Variants in CELF2 observed in about 807,000 individuals in gnomAD.
CELF2 encodes the protein CUGBP Elav-like family member 2, also known as CUG triplet repeat RNA-binding protein 2.
CELF2 carries 8 observed loss-of-function variants against 62.6 expected under a neutral mutation model. The observed-to-expected ratio is 0.13, with a 90% CI of 0.07 to 0.23. CELF2 has a LOEUF of 0.23. Among genes scored for constraint, CELF2 ranks in the 10% least tolerant of loss-of-function variants. The pLI is 1.00. For missense variants in CELF2, 333 were observed against 671.0 expected (o/e 0.50, Z 5.56); for synonymous variants, 258 against 250.0 (o/e 1.03, Z -0.30).
rs75795049 is a variant in CELF2, at chr10:11,276,337, G to T, written c.841+1217G>T. Among the ~76,000 whole-genome samples the T allele has an allele frequency of 2.9e-3, 437 of 152,248 alleles. 2 individuals carry two copies. Among genetic ancestry groups the T allele is most frequent in the African/African-American group, 0.01 (418 of 41,544 alleles). On this transcript the variant is annotated intron_variant, in intron 8 of 12. Transcript: ENST00000633077. ...GTTGGGCTTTAAATCCATTGGCACT[G>T]CCACCTGGTTCCGTTGTAACATAGC...
chr10:11,193,030 A>G (rs538701065), intron 2 of CELF2, among the ~76,000 whole-genome samples: 15 of 152,304 alleles, frequency 9.8e-5, no homozygotes, highest in African/African-American at 3.6e-4. Context: ...GATCTTCATG[A>G]CTTTTTTTCT....
chr10:10,933,933 A>G (rs967240569), intron 2 of CELF2, among the ~76,000 whole-genome samples: 1 of 152,108 alleles, frequency 6.6e-6, no homozygotes, highest in Non-Finnish European at 1.5e-5. Context: ...TGACGTATTG[A>G]TTTCAATTCC....
At chr10:11,042,197 A>T (rs1365320586) in intron 1 of CELF2, among the ~76,000 whole-genome samples, 1 of 152,200 alleles carries the variant, frequency 6.6e-6, no homozygotes, top group Non-Finnish European at 1.5e-5. Context: ...CTTCCCTTTC[A>T]AATTTGTTAT....
intron 1 of CELF2, among the ~76,000 whole-genome samples, chr10:11,151,671 A>G (rs7087534): frequency 0.021 from 3,123 of 152,220 alleles, 105 homozygotes; most frequent in African/African-American, 0.071. Flanking sequence ...GCCTTGAACT[A>G]AAAGGAGGAA....
At chr10:10,645,514 C>T in the CELF2 span, among the ~76,000 whole-genome samples, 3 of 152,008 alleles carry the variant, frequency 2.0e-5, no homozygotes, top group African/African-American at 7.2e-5. Context: ...ATTAGGCAGG[C>T]ATGGTAGCAC....
the CELF2 span, among the ~76,000 whole-genome samples, chr10:10,654,921 G>A: frequency 2.0e-5 from 3 of 147,216 alleles, 1 homozygote; most frequent in Admixed American, 2.0e-4. Flanking sequence ...AAAAGAGGAA[G>A]TCAAATTGTC....
rs76893279 is a variant in CELF2, at chr10:11,189,491, G to T, written c.271+23809G>T. Among the ~76,000 whole-genome samples the T allele has an allele frequency of 5.0e-3, 756 of 152,134 alleles. 7 individuals are homozygous for T. Among genetic ancestry groups the T allele is most frequent in the Middle Eastern group, 0.014 (4 of 294 alleles). On this transcript the variant is annotated intron_variant, in intron 2 of 12. Transcript: ENST00000633077. The stretch of plus-strand genomic sequence containing the variant: ...GTTTAGGTCTCTAATCTCACTGAGG[G>T]TTTTTTTCCCCTCACCTGTTCTTCC...
chr10:10,831,725 A>C (rs542658544), intron 1 of CELF2, among the ~76,000 whole-genome samples: 93 of 152,344 alleles, frequency 6.1e-4, no homozygotes, highest in Middle Eastern at 3.4e-3. Flanking sequence ...TAAACCCAGC[A>C]CTTTGGGAGG....
intron 1 of CELF2, among the ~76,000 whole-genome samples, chr10:11,084,347 G>GT (rs1428267792): frequency 1.3e-5 from 2 of 152,242 alleles, no homozygotes; most frequent in Non-Finnish European, 2.9e-5. Flanking sequence ...ACAAATGTGG[G>GT]TTAGAGGTAG....
intron 1 of CELF2, among the ~76,000 whole-genome samples, chr10:11,127,450 A>G (rs1204276373): frequency 1.3e-5 from 2 of 152,290 alleles, no homozygotes; most frequent in Admixed American, 1.3e-4. Context: ...CTAGTTCTAG[A>G]TCCTTGAGGA....
chr10:11,025,401 G>T (rs2059027796), intron 1 of CELF2, among the ~76,000 whole-genome samples: 1 of 152,056 alleles, frequency 6.6e-6, no homozygotes, highest in African/African-American at 2.4e-5. Context: ...AGTTTCTCGT[G>T]TGCTGTCCTC....
At chr10:10,663,864 G>A in the CELF2 span, among the ~76,000 whole-genome samples, 8 of 152,244 alleles carry the variant, frequency 5.3e-5, no homozygotes, top group South Asian at 2.1e-4. Flanking sequence ...GTATGTCATC[G>A]TCAGTTTACT....
At chr10:10,485,382 A>G in the CELF2 span, among the ~76,000 whole-genome samples, 50,798 of 152,096 alleles carry the variant, frequency 0.33, 9,196 homozygotes, top group Admixed American at 0.42. Flanking sequence ...GCCTTTTCCA[A>G]TTTGGTTTGC....
At chr10:10,586,090 A>C in the CELF2 span, among the ~76,000 whole-genome samples, 3 of 152,202 alleles carry the variant, frequency 2.0e-5, no homozygotes, top group African/African-American at 4.8e-5. Context: ...AAAATAAGGC[A>C]TGCTTTCAAG....
At chr10:11,204,864 C>G (rs1279612003) in intron 2 of CELF2, among the ~76,000 whole-genome samples, 1 of 152,176 alleles carries the variant, frequency 6.6e-6, no homozygotes, top group Non-Finnish European at 1.5e-5. Flanking sequence ...TTTTTTCTTC[C>G]TCTATTGTTG....
chr10:10,981,089 C>T (rs1295032376), intron 2 of CELF2, among the ~76,000 whole-genome samples: 1 of 152,120 alleles, frequency 6.6e-6, no homozygotes, highest in Non-Finnish European at 1.5e-5. Context: ...TGTGACACGC[C>T]CACTGAAGTC....
chr10:10,519,951 A>C, the CELF2 span, among the ~76,000 whole-genome samples: 1 of 152,190 alleles, frequency 6.6e-6, no homozygotes, highest in Admixed American at 6.5e-5. Context: ...TGTAAGGTTC[A>C]GCTGCAGAGA....
At position 11,249,216 on chromosome 10, in the gene CELF2, A is replaced by G. The variant is rs779583994; in HGVS notation, c.403+15A>G. ...AAAGTCCAACGGTAGGTGGTAACCA[A>G]CTGTCTTGCTTAATAATAATATCTG... On this transcript the variant is annotated intron_variant, in intron 4 of 12. Coordinates refer to ENST00000633077, the MANE Select transcript of CELF2 (RefSeq NM_001326342.2). 4.4e-6 allele frequency: 7 copies of G among 1,602,280 alleles called. No individual in the cohort carries two copies. Among genetic ancestry groups the G allele is most frequent in the African/African-American group, 2.7e-5 (2 of 74,658 alleles).
chr10:10,837,534 G>C (rs2058382204), intron 1 of CELF2, among the ~76,000 whole-genome samples: 1 of 152,136 alleles, frequency 6.6e-6, no homozygotes, highest in Non-Finnish European at 1.5e-5. Context: ...TGGCATTTAT[G>C]AGATACTGCT....
Sources: allele counts gnomAD v4.1 joint callset (sites outside exome capture counted in the v4.1 genomes callset), GRCh38; gene constraint gnomAD v4.1.1; transcripts MANE v1.5; gene names NCBI Gene and HGNC (gene_info 2026-07-23, HGNC 2026-07-21).